The following FREM1 variants were observed in gnomAD, a reference collection of about 807,000 sequenced individuals.
FREM1 encodes the protein FRAS1-related extracellular matrix protein 1.
Under a neutral mutation model 210.1 loss-of-function variants are expected in FREM1, and 220 were observed. The ratio of observed to expected loss-of-function variants is 1.05; its 90% CI spans 0.94 to 1.17. The LOEUF is 1.17. FREM1 is among the 50% of genes most tolerant of loss of function. The pLI, the probability that FREM1 is intolerant of heterozygous loss-of-function variation, is 0.00. For missense variants in FREM1, 3,454 were observed against 2,675.5 expected (o/e 1.29, Z -6.42); for synonymous variants, 1,189 against 980.2 (o/e 1.21, Z -3.98).
chr9:14,894,152 T>C (rs902287229), intron 1 of FREM1, among the ~76,000 whole-genome samples: 23 of 152,214 alleles, frequency 1.5e-4, no homozygotes, highest in African/African-American at 5.1e-4. Flanking sequence ...CAGAAAGCAT[T>C]GTCAAATATA....
At chr9:14,903,925 T>A (rs966675693) in intron 1 of FREM1, among the ~76,000 whole-genome samples, 2 of 151,840 alleles carry the variant, frequency 1.3e-5, no homozygotes, top group Admixed American at 1.3e-4. Flanking sequence ...ATCAAGACCA[T>A]CCTGGCTAAC....
intron 12 of FREM1, among the ~76,000 whole-genome samples, 197 bp downstream of exon 12, chr9:14,823,828 G>A (rs1821823965): frequency 6.6e-6 from 1 of 152,120 alleles, no homozygotes; most frequent in South Asian, 2.1e-4. Context: ...AAAAGATTGT[G>A]AAACCATATT....
At chr9:14,776,687 C>G (rs1315449509) in intron 24 of FREM1, among the ~76,000 whole-genome samples, 1 of 152,180 alleles carries the variant, frequency 6.6e-6, no homozygotes. Flanking sequence ...TTGAATTTAG[C>G]TAATTCATTC....
intron 25 of FREM1, among the ~76,000 whole-genome samples, chr9:14,772,131 C>T (rs140934668): frequency 2.0e-5 from 3 of 151,864 alleles, no homozygotes; most frequent in Non-Finnish European, 2.9e-5. Context: ...ATAATTATAA[C>T]TCATGATGAT....
chr9:14,884,630 G>A (rs8181058), intron 1 of FREM1, among the ~76,000 whole-genome samples: 5,541 of 152,142 alleles, frequency 0.036, 192 homozygotes, highest in East Asian at 0.14. Flanking sequence ...TACACATTCA[G>A]CTTAACTATA....
At chr9:14,877,838 A>C (rs992103978) in intron 1 of FREM1, among the ~76,000 whole-genome samples, 1 of 152,220 alleles carries the variant, frequency 6.6e-6, no homozygotes, top group African/African-American at 2.4e-5. Flanking sequence ...ATCTGACCCC[A>C]GACCAAGGGA....
chr9:14,774,322 G>A (rs560966417), intron 25 of FREM1, among the ~76,000 whole-genome samples: 1 of 152,182 alleles, frequency 6.6e-6, no homozygotes, highest in African/African-American at 2.4e-5. Flanking sequence ...CAACCAATCA[G>A]TTGTAGGCTT....
intron 20 of FREM1, among the ~76,000 whole-genome samples, chr9:14,798,403 G>A (rs1438020325): frequency 1.3e-5 from 2 of 152,090 alleles, no homozygotes; most frequent in Non-Finnish European, 2.9e-5. Context: ...TTGAGGCCAG[G>A]AGTTCGAGGC....
chr9:14,859,309 G>A lies in FREM1; in HGVS notation c.505C>T (p.Leu169=). 1 of 1,613,912 alleles carries A rather than the reference G, an allele frequency of 6.2e-7. No homozygotes were observed. Among genetic ancestry groups the A allele is most frequent in the East Asian group, 2.2e-5 (1 of 44,866 alleles). ...LRFDYDRMAS[L]ECTVSLDTAR... ...GTGTCCAGGCTGACGGTACATTCCAGGCTAGCCATCCTATCATAATCGAAT... is the reference window on the plus strand; with the variant it reads ...GTGTCCAGGCTGACGGTACATTCCAAGCTAGCCATCCTATCATAATCGAAT... Residue 169 remains leucine (L), a synonymous_variant, in exon 4 of 37, where the codon CTG becomes TTG. Transcript: ENST00000380880.
chr9:14,747,037 T>C lies in FREM1; in HGVS notation c.6024A>G (p.Ser2008=). The C allele has an allele frequency of 6.2e-7, 1 of 1,613,216 alleles. No homozygotes were observed. The highest frequency in any genetic ancestry group is 8.5e-7 in the Non-Finnish European group (1 of 1,179,592). The change falls in exon 34 of 37, where the codon TCA becomes TCG. Residue 2008 remains serine (S), a synonymous_variant. Coordinates refer to ENST00000380880, the MANE Select transcript of FREM1 (RefSeq NM_001379081.2). ...SHFPRQDQLP[S]FPKNCTLELK... ...ATTCCAGAGTGCAGTTCTTTGGAAA[T>C]GAGGGCAACTGGTCCTTTGGGAAGG...
chr9:14,870,174 C>G (rs982965829), intron 1 of FREM1, among the ~76,000 whole-genome samples: 1 of 152,148 alleles, frequency 6.6e-6, no homozygotes, highest in East Asian at 1.9e-4. Flanking sequence ...TGTGCATAAC[C>G]AGTAGATACC....
chr9:14,805,050 G>A lies in FREM1; in HGVS notation c.3377C>T (p.Thr1126Ile), dbSNP rs746911959. Residue 1126 changes from threonine to isoleucine, a missense_variant, in exon 19 of 37, where the codon ACA becomes ATA. Coordinates refer to ENST00000380880, the MANE Select transcript of FREM1 (RefSeq NM_001379081.2). ...PTADQFTVYV[T>I]DGKHHSLEIP... ...CTCCAAGGAGTGATGCTTCCCATCTGTGACGTACACCGTGAACTGGTCGGC... is the reference window on the plus strand; with the variant it reads ...CTCCAAGGAGTGATGCTTCCCATCTATGACGTACACCGTGAACTGGTCGGC... 19 of 1,612,976 alleles carry A rather than the reference G, an allele frequency of 1.2e-5. No homozygotes were observed. The East Asian group carries it at 3.8e-4, about 32-fold the overall frequency.
rs988546194 is a variant in FREM1 at position 14,750,059 on chromosome 9, G to A, written c.5557+68C>T. 8.1e-6 allele frequency: 12 copies of A among 1,486,366 alleles called. No individual in the cohort carries two copies. The African/African-American group carries it at 1.6e-4, about 19-fold the overall frequency. The allele number at this position is 1,486,366 out of a possible 1,614,324, so 92.1% of individuals were successfully genotyped here. ...ATTTGAAGGTGTTATCAAGCACGTT[G>A]GCTGTTGAAGGCAAGAGCTACAGCG... On this transcript the variant is annotated intron_variant, in intron 30 of 36. Transcript: ENST00000380880.
At position 14,910,119 on chromosome 9, in the gene FREM1, C is replaced by T. The variant is rs1818476611; in HGVS notation, c.-473G>A. On this transcript the variant is annotated 5_prime_UTR_variant, in exon 1 of 37. Coordinates refer to ENST00000380880, the MANE Select transcript of FREM1 (RefSeq NM_001379081.2). ...TCTTTTTACTAAAAATCCATTAACC[C>T]ACCTCACAGAAAATACAGAATTGAA... 6.6e-6 allele frequency: 1 copy of T among 152,194 alleles called. No individual in the cohort carries two copies. Among genetic ancestry groups the T allele is most frequent in the African/African-American group, 2.4e-5 (1 of 41,440 alleles). 9.4% of individuals were successfully genotyped at this position (152,194 alleles called of 1,614,324 possible).
chr9:14,886,722 C>G (rs1835879924), intron 1 of FREM1, among the ~76,000 whole-genome samples: 2 of 151,590 alleles, frequency 1.3e-5, no homozygotes, highest in African/African-American at 4.8e-5. Flanking sequence ...ATGGTGAAAC[C>G]CCACTCCTAC....
intron 4 of FREM1, 59 bp from the exon 5 acceptor site, chr9:14,857,808 G>C: frequency 7.8e-7 from 1 of 1,282,860 alleles, no homozygotes; most frequent in Non-Finnish European, 1.1e-6. Context: ...GTAAAATTTA[G>C]AAACCAGTAC....
At position 14,797,576 on chromosome 9, in the gene FREM1, G is replaced by C. The variant is rs1489528785; in HGVS notation, c.3761C>G (p.Ser1254Ter). The C allele has an allele frequency of 6.2e-7, 1 of 1,611,656 alleles. No homozygotes were observed. The highest frequency in any genetic ancestry group is 1.7e-5 in the Admixed American group (1 of 59,926). The change falls in exon 21 of 37, where the codon TCA (serine) becomes TGA (stop). Residue 1254 changes from serine to a stop codon, truncating the protein, a stop_gained. Transcript: ENST00000380880. LOFTEE classifies it high-confidence loss of function. The part of the protein sequence containing the change: ...SLADDFTIQL[S>*]DGKHKILKTI... ...TTTAAGTATCTTATGTTTCCCATCT[G>C]ACAATTGGATTGTAAAATCATCAGC...
intron 16 of FREM1, among the ~76,000 whole-genome samples, chr9:14,808,734 T>C (rs1229689516): frequency 6.6e-6 from 1 of 152,240 alleles, no homozygotes; most frequent in Non-Finnish European, 1.5e-5. Flanking sequence ...ATTTTCATTT[T>C]CTTCTTTTCA....
At chr9:14,807,812 A>T in intron 17 of FREM1, 128 bp downstream of exon 17, 1 of 689,998 alleles carries the variant, frequency 1.4e-6, no homozygotes, top group Non-Finnish European at 2.4e-6. Context: ...GTGTTGAGGT[A>T]ATTATTGAAG....
Sources: allele counts gnomAD v4.1 joint callset (sites outside exome capture counted in the v4.1 genomes callset), GRCh38; gene constraint gnomAD v4.1.1; transcripts MANE v1.5; gene names NCBI Gene and HGNC (gene_info 2026-07-23, HGNC 2026-07-21).